The following RAG1 variants were observed in gnomAD, a reference collection of about 807,000 sequenced individuals.
RAG1 encodes V(D)J recombination-activating protein 1.
RAG1 carries 35 observed loss-of-function variants against 62.7 expected under a neutral mutation model. The observed-to-expected ratio is 0.56, with a 90% CI of 0.43 to 0.74. The LOEUF (loss-of-function observed/expected upper bound fraction) is 0.74. Among genes scored for constraint, RAG1 ranks in the 30% least tolerant of loss-of-function variants. The pLI is 0.00. For missense variants in RAG1, 1,169 were observed against 1,278.6 expected, an observed-to-expected ratio of 0.91 and a Z score of 1.31; for synonymous variants, 461 against 470.3, an observed-to-expected ratio of 0.98 and a Z score of 0.26.
chr11:36,547,967 C>G (rs1348105566), intron 3 of RAG1, among the ~76,000 whole-genome samples: 1 of 152,154 alleles, frequency 6.6e-6, no homozygotes, highest in Non-Finnish European at 1.5e-5. Context: ...AATGCTGGTT[C>G]AACATACGCA....
intron 1 of RAG1, among the ~76,000 whole-genome samples, chr11:36,518,302 T>C (rs1480737937): frequency 1.3e-5 from 2 of 152,174 alleles, no homozygotes; most frequent in East Asian, 1.9e-4. Context: ...AATAAACATA[T>C]GTGTGCATGT....
chr11:36,560,327 G>A (rs1850564870), intron 3 of RAG1, among the ~76,000 whole-genome samples: 1 of 152,104 alleles, frequency 6.6e-6, no homozygotes, highest in South Asian at 2.1e-4. Flanking sequence ...AGTGCCCCTG[G>A]TCTTAGGGGA....
At chr11:36,535,327 A>G (rs898075608) in intron 2 of RAG1, among the ~76,000 whole-genome samples, 5 of 152,186 alleles carry the variant, frequency 3.3e-5, no homozygotes, top group South Asian at 4.1e-4. Flanking sequence ...TCTGAAATAT[A>G]TCTATTTCAA....
intron 1 of RAG1, among the ~76,000 whole-genome samples, chr11:36,516,353 G>T (rs932197162): frequency 1.3e-5 from 2 of 152,218 alleles, no homozygotes; most frequent in South Asian, 2.1e-4. Context: ...ACGGAGTCTC[G>T]CTCTGTCGCC....
chr11:36,530,797 A>T (rs1451440601), intron 2 of RAG1, among the ~76,000 whole-genome samples: 1 of 151,786 alleles, frequency 6.6e-6, no homozygotes, highest in Non-Finnish European at 1.5e-5. Flanking sequence ...TGTTGGATGG[A>T]GTGCTCTGTA....
chr11:36,560,757 G>A lies in RAG1; in HGVS notation c.-411-2628G>A, dbSNP rs553288987. ...CTGCAGTGGTAATGAGGACTGCTAGGGATCTCCTGACTACCTTTCCCCCTT... is the reference window on the plus strand; with the variant it reads ...CTGCAGTGGTAATGAGGACTGCTAGAGATCTCCTGACTACCTTTCCCCCTT... On this transcript the variant is annotated intron_variant and NMD_transcript_variant, in intron 3 of 9. Coordinates refer to the RAG1 transcript ENST00000534663. Among the ~76,000 whole-genome samples, 581 of 152,150 alleles carry A rather than the reference G, an allele frequency of 3.8e-3. 5 individuals are homozygous for A. The highest frequency in any genetic ancestry group is 6.9e-3 in the Non-Finnish European group (468 of 67,998).
intron 2 of RAG1, among the ~76,000 whole-genome samples, chr11:36,523,982 C>T (rs1453672308): frequency 6.6e-6 from 1 of 152,180 alleles, no homozygotes; most frequent in Non-Finnish European, 1.5e-5. Context: ...CTCTATCCAC[C>T]TTTAAACCCC....
upstream of RAG1, among the ~76,000 whole-genome samples, chr11:36,565,115 C>T (rs988377513): frequency 1.3e-5 from 2 of 152,126 alleles, no homozygotes; most frequent in Admixed American, 1.3e-4. Flanking sequence ...TGTTAGAAGA[C>T]AAGAGTTTTG....
Position 36,528,135 on chromosome 11 carries a change from A to C in RAG1, n.429-7824A>C, listed in dbSNP as rs546727030. ...CAGGACTTGAACTCAGCTCTGCACC[A>C]AGTGGACCTCATAGACATCTACAGA... On this transcript the variant is annotated intron_variant and non_coding_transcript_variant, in intron 2 of 2. Transcript: ENST00000529126. Among the ~76,000 whole-genome samples the C allele has an allele frequency of 1.2e-4, 19 of 152,278 alleles. No homozygotes were observed. In the Middle Eastern group the frequency reaches 0.01, roughly 82 times the overall value.
At chr11:36,558,417 A>T (rs1209717857) in intron 3 of RAG1, among the ~76,000 whole-genome samples, 1 of 152,168 alleles carries the variant, frequency 6.6e-6, no homozygotes, top group African/African-American at 2.4e-5. Flanking sequence ...CTCCCTTTAG[A>T]TCTAATACTT....
At chr11:36,524,584 G>A (rs979585941) in intron 2 of RAG1, among the ~76,000 whole-genome samples, 6 of 150,042 alleles carry the variant, frequency 4.0e-5, no homozygotes, top group East Asian at 2.0e-4. Flanking sequence ...ACCTTCCCTC[G>A]CTCAGGTGAT....
At chr11:36,517,422 T>C (rs2133691900) in intron 1 of RAG1, among the ~76,000 whole-genome samples, 1 of 152,252 alleles carries the variant, frequency 6.6e-6, no homozygotes, top group South Asian at 2.1e-4. Flanking sequence ...GAATATACAA[T>C]TTTTTTAGAG....
chr11:36,540,069 G>A (rs902720207), downstream of RAG1, among the ~76,000 whole-genome samples: 3 of 152,142 alleles, frequency 2.0e-5, no homozygotes, highest in Non-Finnish European at 4.4e-5. Context: ...ATGCTTAAAA[G>A]TGCTAGAGGG....
At chr11:36,535,243 G>A (rs992650588) in intron 2 of RAG1, among the ~76,000 whole-genome samples, 12 of 152,132 alleles carry the variant, frequency 7.9e-5, no homozygotes, top group African/African-American at 2.9e-4. Context: ...GGTCTATCAT[G>A]TGATCAATTT....
intron 2 of RAG1, among the ~76,000 whole-genome samples, chr11:36,523,653 T>C (rs1228553054): frequency 6.6e-6 from 1 of 152,200 alleles, no homozygotes; most frequent in Non-Finnish European, 1.5e-5. Flanking sequence ...CTTCAAATAT[T>C]TGTTAGAGAT....
intron 1 of RAG1, among the ~76,000 whole-genome samples, chr11:36,515,917 G>C (rs1222783596): frequency 6.6e-6 from 1 of 152,158 alleles, no homozygotes; most frequent in Non-Finnish European, 1.5e-5. Flanking sequence ...ATACAAATAT[G>C]TGCCCTCCTT....
intron 3 of RAG1, among the ~76,000 whole-genome samples, chr11:36,562,243 TGTAGA>T (rs370842785): frequency 1.3e-4 from 20 of 152,256 alleles, no homozygotes; most frequent in African/African-American, 4.3e-4. Flanking sequence ...TGCCTTGAAG[TGTAGA>T]GTTGCCATTA....
At chr11:36,518,581 C>T (rs193029153) in intron 1 of RAG1, among the ~76,000 whole-genome samples, 5,300 of 152,296 alleles carry the variant, frequency 0.035, 132 homozygotes, top group Non-Finnish European at 0.05. Flanking sequence ...TTGCATTTCT[C>T]TGATGGCCAG....
At chr11:36,562,339 G>A (rs1458340862) in intron 3 of RAG1, among the ~76,000 whole-genome samples, 2 of 152,144 alleles carry the variant, frequency 1.3e-5, no homozygotes, top group Admixed American at 1.3e-4. Flanking sequence ...ATTTAACGGT[G>A]TGCAAAGCAT....
Sources: gnomAD v4.1 joint callset for allele counts (sites outside exome capture counted in the v4.1 genomes callset) on GRCh38, gnomAD v4.1.1 for gene constraint, MANE v1.5 for transcripts, NCBI Gene and HGNC (gene_info 2026-07-23, HGNC 2026-07-21) for gene names.